CAPN8: variants seen among roughly 807,000 people sequenced by gnomAD.
The protein encoded by CAPN8 is calpain-8.
CAPN8 carries 87 observed loss-of-function variants against 80.9 expected under a neutral mutation model. The ratio of observed to expected loss-of-function variants is 1.07; its 90% CI spans 0.90 to 1.28. The LOEUF (loss-of-function observed/expected upper bound fraction) is 1.28, where lower values mean the gene tolerates loss of function less well. Ranked by LOEUF, CAPN8 falls within the 50% of genes most tolerant of loss-of-function variation. The probability of loss-of-function intolerance (pLI) is 0.00; values close to 1 mark genes in which losing one functional copy is unlikely to be tolerated. For synonymous variants in CAPN8, 299 were observed against 273.8 expected, an observed-to-expected ratio of 1.09 and a Z score of -0.91; for missense variants, 757 against 702.0, an observed-to-expected ratio of 1.08 and a Z score of -0.89.
At chr1:223,610,356 A>T (rs1289931426) in intron 11 of CAPN8, among the ~76,000 whole-genome samples, 1 of 152,190 alleles carries the variant, frequency 6.6e-6, no homozygotes. Context: ...GCCCTCAGGC[A>T]GTCCCCACTA....
At chr1:223,646,228 C>A (rs906604348) in intron 2 of CAPN8, among the ~76,000 whole-genome samples, 1 of 152,232 alleles carries the variant, frequency 6.6e-6, no homozygotes, top group Non-Finnish European at 1.5e-5. Flanking sequence ...TCCTCAGGTT[C>A]ATGGCCTCTT....
At chr1:223,542,612 A>C (rs1488021620) in intron 20 of CAPN8, among the ~76,000 whole-genome samples, 4 of 152,196 alleles carry the variant, frequency 2.6e-5, no homozygotes, top group Non-Finnish European at 4.4e-5. Context: ...CCCTCTGGCC[A>C]GTAAAGGCCT....
At chr1:223,635,041 C>A (rs1050329066) in intron 2 of CAPN8, among the ~76,000 whole-genome samples, 16 of 152,188 alleles carry the variant, frequency 1.1e-4, no homozygotes, top group African/African-American at 3.6e-4. Context: ...AATAGTTGAG[C>A]AAAATAATGA....
intron 2 of CAPN8, among the ~76,000 whole-genome samples, chr1:223,633,714 G>A (rs75652319): frequency 0.017 from 2,606 of 152,210 alleles, 67 homozygotes; most frequent in African/African-American, 0.059. Context: ...TCCTGAATCA[G>A]ACATTGTTAA....
rs536175247 is a variant in CAPN8, at chr1:223,622,700, G to A, written c.899+115C>T. 589 of 806,014 alleles carry A rather than the reference G, an allele frequency of 7.3e-4. 3 individuals carry two copies. Among genetic ancestry groups the A allele is most frequent in the Non-Finnish European group, 1.1e-3 (523 of 474,006 alleles). The allele number at this position is 806,014 out of a possible 1,614,324, so 49.9% of individuals were successfully genotyped here. On this transcript the variant is annotated intron_variant, in intron 7 of 20. Coordinates refer to ENST00000366872, the MANE Select transcript of CAPN8 (RefSeq NM_001143962.2). ...CTTTTCTGAACACACTGTGTGATCT[G>A]CAGACAGGACGTGCTGCTGAACTCA...
At chr1:223,618,202 A>ATTTCTCCT (rs1558342427) in intron 9 of CAPN8, 1 of 1,548,750 alleles carries the variant, frequency 6.5e-7, no homozygotes, top group African/African-American at 1.4e-5. Context: ...GCTTTTCTTC[A>ATTTCTCCT]TTTCTCCTTA....
Position 223,610,993 on chromosome 1 carries a change from A to G in CAPN8, c.1323+1253T>C, listed in dbSNP as rs566722584. ...CGCCCTCTAGGGGATTCAGAAGCAC[A>G]TTCTAAGTTTGACAACTGTTGTCCT... is the stretch of plus-strand genomic sequence containing the variant. On this transcript the variant is annotated intron_variant, in intron 11 of 20. Coordinates refer to ENST00000366872, the MANE Select transcript of CAPN8 (RefSeq NM_001143962.2). 2.0e-5 allele frequency among the ~76,000 whole-genome samples: 3 copies of G among 146,722 alleles called. No individual in the cohort carries two copies. The East Asian group carries it at 6.0e-4, about 30-fold the overall frequency.
At chr1:223,635,180 A>C (rs1213543247) in intron 2 of CAPN8, among the ~76,000 whole-genome samples, 1 of 152,198 alleles carries the variant, frequency 6.6e-6, no homozygotes, top group East Asian at 1.9e-4. Flanking sequence ...TCTTCCACAG[A>C]AGGCTGCTCT....
rs1418381265 is a variant in CAPN8, at chr1:223,616,137, A to G, written c.1144T>C (p.Trp382Arg). The G allele has an allele frequency of 3.2e-6, 5 of 1,546,730 alleles. No homozygotes were observed. In the Admixed American group the frequency reaches 5.9e-5, roughly 18 times the overall value. Reference protein sequence around the residue: ...GGCQNYPATYWTNPQFKIRLD... With the variant: ...GGCQNYPATYRTNPQFKIRLD... ...CGGATTTTGAACTGGGGATTGGTCC[A>G]GTACGTGGCTGGAAGTCACCCAGGT... Residue 382 changes from tryptophan (W) to arginine (R), a missense_variant, in exon 10 of 21, where the codon TGG (tryptophan) becomes CGG (arginine). Coordinates refer to ENST00000366872, the MANE Select transcript of CAPN8 (RefSeq NM_001143962.2).
intron 1 of CAPN8, among the ~76,000 whole-genome samples, chr1:223,660,848 T>C (rs1658624232): frequency 1.3e-5 from 2 of 151,758 alleles, no homozygotes; most frequent in Admixed American, 1.3e-4. Flanking sequence ...AGCAGTGAAA[T>C]AAAAAAGCAA....
chr1:223,636,929 T>TC (rs1393261767), intron 2 of CAPN8, among the ~76,000 whole-genome samples: 2 of 152,158 alleles, frequency 1.3e-5, no homozygotes, highest in Non-Finnish European at 2.9e-5. Context: ...GCTTTCTGTT[T>TC]CCCCCCTTTT....
chr1:223,644,287 C>T, intron 2 of CAPN8: 2 of 267,482 alleles, frequency 7.5e-6, no homozygotes, highest in Non-Finnish European at 7.4e-6. Flanking sequence ...TAGAGCCATA[C>T]CTGAATCTGG....
In CAPN8 at chr1:223,612,265, G is replaced by T; in HGVS notation, c.1312-8C>A. 8.1e-7 allele frequency: 1 copy of T among 1,234,230 alleles called. No individual in the cohort carries two copies. Among genetic ancestry groups the T allele is most frequent in the Non-Finnish European group, 1.0e-6 (1 of 988,092 alleles). The allele number at this position is 1,234,230 out of a possible 1,614,324, so 76.5% of individuals were successfully genotyped here. A position where few individuals can be genotyped will look rare whatever the true frequency, so the allele number is the denominator to read the frequency against. ...ACATACCTCCTTGGGAACCTGTGGGGCAGAAGAAAAGAGCAGGTCACCTGA... is the reference window on the plus strand; with the variant it reads ...ACATACCTCCTTGGGAACCTGTGGGTCAGAAGAAAAGAGCAGGTCACCTGA... On this transcript the variant is annotated splice_polypyrimidine_tract_variant and splice_region_variant and intron_variant, in intron 10 of 20. Coordinates refer to ENST00000366872, the MANE Select transcript of CAPN8 (RefSeq NM_001143962.2).
At chr1:223,646,735 G>A (rs1658205147) in intron 2 of CAPN8, among the ~76,000 whole-genome samples, 1 of 152,242 alleles carries the variant, frequency 6.6e-6, no homozygotes, top group Admixed American at 6.5e-5. Context: ...CTCACAGCCA[G>A]TCTGTGATAG....
intron 1 of CAPN8, among the ~76,000 whole-genome samples, chr1:223,665,008 C>G (rs1658747330): frequency 6.6e-6 from 1 of 152,120 alleles, no homozygotes; most frequent in South Asian, 2.1e-4. Flanking sequence ...TATCCCAGCA[C>G]TTTGGAAGGC....
intron 6 of CAPN8, among the ~76,000 whole-genome samples, chr1:223,625,160 A>G (rs1657530689): frequency 6.6e-6 from 1 of 152,228 alleles, no homozygotes; most frequent in African/African-American, 2.4e-5. Flanking sequence ...CTCGGGTTGG[A>G]GAGTGAGGAA....
chr1:223,609,790 C>A (rs1056833671), intron 11 of CAPN8, among the ~76,000 whole-genome samples: 1 of 152,222 alleles, frequency 6.6e-6, no homozygotes. Flanking sequence ...AGTCCTCAAG[C>A]AAAAGCTGCC....
chr1:223,624,348 G>A (rs1267108248), intron 6 of CAPN8, among the ~76,000 whole-genome samples: 1 of 152,192 alleles, frequency 6.6e-6, no homozygotes, highest in African/African-American at 2.4e-5. Flanking sequence ...TTATAGCACT[G>A]TCTTCAGCGT....
intron 6 of CAPN8, among the ~76,000 whole-genome samples, chr1:223,623,645 T>A (rs1657470048): frequency 6.6e-6 from 1 of 152,202 alleles, no homozygotes; most frequent in South Asian, 2.1e-4. Context: ...CCAACTCACC[T>A]AGCCCAATGT....
Sources: allele counts gnomAD v4.1 joint callset (sites outside exome capture counted in the v4.1 genomes callset), GRCh38; gene constraint gnomAD v4.1.1; transcripts MANE v1.5; gene names NCBI Gene and HGNC (gene_info 2026-07-23, HGNC 2026-07-21).